Variants in NOL4 observed in about 807,000 individuals in gnomAD.
NOL4 encodes nucleolar protein 4, also known as cancer/testis antigen 125.
NOL4 carries 17 observed loss-of-function variants against 75.9 expected under a neutral mutation model. The ratio of observed to expected loss-of-function variants is 0.22; its 90% confidence interval spans 0.15 to 0.34. The LOEUF is 0.34. Ranked by LOEUF, NOL4 falls within the 10% of genes least tolerant of loss-of-function variation. The probability of loss-of-function intolerance (pLI) is 1.00; values close to 1 mark genes in which losing one functional copy is unlikely to be tolerated. For missense variants in NOL4, 614 were observed against 793.5 expected (o/e 0.77, Z 2.72); for synonymous variants, 292 against 289.9 (o/e 1.01, Z -0.07).
At chr18:33,960,140 A>G (rs2145759194) in intron 6 of NOL4, among the ~76,000 whole-genome samples, 1 of 152,212 alleles carries the variant, frequency 6.6e-6, no homozygotes, top group South Asian at 2.1e-4. Flanking sequence ...ATAAATCTTG[A>G]GTAAGAAGAA....
At chr18:34,139,581 A>G (rs927927091) in intron 1 of NOL4, among the ~76,000 whole-genome samples, 8 of 151,864 alleles carry the variant, frequency 5.3e-5, no homozygotes, top group Non-Finnish European at 8.8e-5. Context: ...CTTCTTTATT[A>G]GTCTTGCTAG....
At chr18:33,997,933 T>C (rs1000991315) in intron 6 of NOL4, among the ~76,000 whole-genome samples, 1 of 151,804 alleles carries the variant, frequency 6.6e-6, no homozygotes, top group African/African-American at 2.4e-5. Flanking sequence ...TTATTGTCCA[T>C]TGGGCTGAAT....
At chr18:34,100,061 A>C (rs1323093999) in intron 4 of NOL4, among the ~76,000 whole-genome samples, 4 of 143,880 alleles carry the variant, frequency 2.8e-5, no homozygotes, top group African/African-American at 1.0e-4. Context: ...TTTTTAACTG[A>C]TGAATTAGGA....
intron 6 of NOL4, among the ~76,000 whole-genome samples, chr18:34,006,295 G>A (rs1324606659): frequency 6.6e-6 from 1 of 152,056 alleles, no homozygotes; most frequent in Non-Finnish European, 1.5e-5. Context: ...TAGGCTAAGG[G>A]GTGCCCAGAT....
chr18:34,055,298 A>G (rs2145040095), intron 5 of NOL4, among the ~76,000 whole-genome samples: 1 of 152,176 alleles, frequency 6.6e-6, no homozygotes, highest in East Asian at 1.9e-4. Context: ...TGTACAGTAG[A>G]TCTAGTAGAA....
At chr18:33,877,096 C>A (rs1168779622) in intron 10 of NOL4, among the ~76,000 whole-genome samples, 1 of 152,012 alleles carries the variant, frequency 6.6e-6, no homozygotes, top group African/African-American at 2.4e-5. Flanking sequence ...AAATTCACAT[C>A]ATTTTTAATT....
rs2079211208 is a variant in NOL4 at position 34,105,143 on chromosome 18, G to C, written c.432C>G (p.Ala144=). Residue 144 remains alanine, a synonymous_variant, in exon 3 of 11, where the codon GCC becomes GCG. Coordinates refer to ENST00000261592, the MANE Select transcript of NOL4 (RefSeq NM_003787.5). The part of the protein sequence containing the change: ...RTYKAISESY[A]FLPREAVTRF... The stretch of plus-strand genomic sequence containing the variant: ...GTGTCACCGCTTCTCTTGGTAGGAA[G>C]GCATAGCTCTCTGAAATCTGAAATG... The C allele has an allele frequency of 6.2e-7, 1 of 1,610,224 alleles. No individual in the cohort carries two copies. The highest frequency in any genetic ancestry group is 2.2e-5 in the East Asian group (1 of 44,784).
chr18:34,139,731 T>C (rs1246840913), intron 1 of NOL4, among the ~76,000 whole-genome samples: 1 of 152,164 alleles, frequency 6.6e-6, no homozygotes, highest in Non-Finnish European at 1.5e-5. Context: ...CTTTTGAATG[T>C]GTTTGCTCTT....
At chr18:33,910,268 A>T (rs1400739216) in intron 9 of NOL4, among the ~76,000 whole-genome samples, 1 of 152,148 alleles carries the variant, frequency 6.6e-6, no homozygotes, top group Non-Finnish European at 1.5e-5. Flanking sequence ...CTGGGGGTAT[A>T]CCCACTGTGA....
intron 2 of NOL4, among the ~76,000 whole-genome samples, chr18:34,108,541 C>G (rs2079426699): frequency 6.6e-6 from 1 of 152,042 alleles, no homozygotes; most frequent in Admixed American, 6.6e-5. Flanking sequence ...GGGATCAGGG[C>G]TGGCTATATT....
intron 1 of NOL4, among the ~76,000 whole-genome samples, chr18:34,163,967 C>G (rs567644480): frequency 1.1e-4 from 16 of 152,178 alleles, no homozygotes; most frequent in African/African-American, 3.9e-4. Flanking sequence ...CTTTGACAAA[C>G]CTGAGAAAAA....
chr18:34,058,682 T>C (rs1026847553), intron 5 of NOL4, among the ~76,000 whole-genome samples: 1 of 152,152 alleles, frequency 6.6e-6, no homozygotes, highest in Admixed American at 6.5e-5. Context: ...TTCATGAATG[T>C]AAAGCTGTAT....
chr18:34,162,781 A>G (rs1326190006), intron 1 of NOL4, among the ~76,000 whole-genome samples: 2 of 152,234 alleles, frequency 1.3e-5, no homozygotes, highest in East Asian at 1.9e-4. Flanking sequence ...CGGCAGAGAC[A>G]CAACCAAAAA....
chr18:34,123,320 T>C (rs1396955858), intron 2 of NOL4, among the ~76,000 whole-genome samples: 1 of 151,582 alleles, frequency 6.6e-6, no homozygotes, highest in Non-Finnish European at 1.5e-5. Context: ...TATTTTTAAC[T>C]GTTTCCTTCT....
At chr18:34,106,357 A>C (rs1024319091) in intron 2 of NOL4, among the ~76,000 whole-genome samples, 6 of 152,078 alleles carry the variant, frequency 3.9e-5, no homozygotes, top group African/African-American at 1.4e-4. Flanking sequence ...ATTTAATATT[A>C]AAATCAGTTT....
At chr18:33,870,737 C>T (rs541089909) in intron 10 of NOL4, among the ~76,000 whole-genome samples, 3 of 151,752 alleles carry the variant, frequency 2.0e-5, no homozygotes, top group Admixed American at 6.6e-5. Flanking sequence ...TCCCAAATAA[C>T]ACAAAAGACA....
intron 6 of NOL4, among the ~76,000 whole-genome samples, chr18:33,997,624 A>G (rs1485529736): frequency 6.7e-6 from 1 of 149,812 alleles, no homozygotes; most frequent in Non-Finnish European, 1.5e-5. Flanking sequence ...TACACTTCGC[A>G]TATATACTTT....
chr18:34,079,691 C>T (rs1418341599), intron 5 of NOL4, among the ~76,000 whole-genome samples: 4 of 151,888 alleles, frequency 2.6e-5, no homozygotes, highest in East Asian at 1.9e-4. Flanking sequence ...TATGATTGAA[C>T]GATTAACTTC....
At chr18:34,022,111 A>G (rs184550419) in intron 5 of NOL4, among the ~76,000 whole-genome samples, 1 of 151,466 alleles carries the variant, frequency 6.6e-6, no homozygotes, top group Non-Finnish European at 1.5e-5. Flanking sequence ...TCTCAAAAAA[A>G]ATAAATAAAT....
Sources: gnomAD v4.1 joint callset for allele counts (sites outside exome capture counted in the v4.1 genomes callset) on GRCh38, gnomAD v4.1.1 for gene constraint, MANE v1.5 for transcripts, NCBI Gene and HGNC (gene_info 2026-07-23, HGNC 2026-07-21) for gene names.